KCNQ3: variants seen among roughly 807,000 people sequenced by gnomAD.
KCNQ3 encodes potassium voltage-gated channel subfamily Q member 3.
In KCNQ3, 30 loss-of-function variants were observed where a neutral mutation model predicts 92.5. That is an observed-to-expected ratio of 0.32 (90% CI 0.24 to 0.44). KCNQ3 has a LOEUF of 0.44. KCNQ3 is among the 20% of genes least tolerant of loss of function. The probability of loss-of-function intolerance (pLI) is 1.00; values close to 1 mark genes in which losing one functional copy is unlikely to be tolerated. For synonymous variants in KCNQ3, 450 were observed against 468.8 expected (o/e 0.96, Z 0.52); for missense variants, 913 against 1,140.3 (o/e 0.80, Z 2.87).
At chr8:132,240,301 C>T (rs796433229) in intron 1 of KCNQ3, among the ~76,000 whole-genome samples, 52 of 152,062 alleles carry the variant, frequency 3.4e-4, no homozygotes, top group African/African-American at 1.2e-3. Flanking sequence ...CATCTCCTGC[C>T]TCAGCCTCCC....
chr8:132,397,099 T>C (rs1286019852), intron 1 of KCNQ3, among the ~76,000 whole-genome samples: 2 of 152,138 alleles, frequency 1.3e-5, no homozygotes, highest in African/African-American at 4.8e-5. Flanking sequence ...CACCCATTGC[T>C]TAAGACACAC....
At chr8:132,347,604 T>C (rs16904668) in intron 1 of KCNQ3, among the ~76,000 whole-genome samples, 37,501 of 152,114 alleles carry the variant, frequency 0.25, 5,246 homozygotes, top group African/African-American at 0.38. Context: ...ACTTACATAA[T>C]TCATCAAAGA....
chr8:132,365,316 C>A (rs371726626), intron 1 of KCNQ3, among the ~76,000 whole-genome samples: 1 of 152,206 alleles, frequency 6.6e-6, no homozygotes, highest in Non-Finnish European at 1.5e-5. Flanking sequence ...GTGTGAGAGG[C>A]GTGTTAGACG....
At position 132,350,696 on chromosome 8, in the gene KCNQ3, T is replaced by C. The variant is rs560549921; in HGVS notation, c.386+129451A>G. Among the ~76,000 whole-genome samples, 4 of 152,290 alleles carry C rather than the reference T, an allele frequency of 2.6e-5. No homozygotes were observed. In the South Asian group the frequency reaches 8.3e-4, roughly 32 times the overall value. On this transcript the variant is annotated intron_variant, in intron 1 of 14. Coordinates refer to ENST00000388996, the MANE Select transcript of KCNQ3 (RefSeq NM_004519.4). The stretch of plus-strand genomic sequence containing the variant: ...TTCCTGACAAACAGTCTAGGGCATC[T>C]AGGGTGGTCAGTCAGCATTCCTCAC...
At chr8:132,250,733 C>T (rs1014859282) in intron 1 of KCNQ3, among the ~76,000 whole-genome samples, 1 of 152,076 alleles carries the variant, frequency 6.6e-6, no homozygotes, top group Non-Finnish European at 1.5e-5. Context: ...TGCATGGGCT[C>T]CTCCCCCAGC....
At chr8:132,380,537 G>C (rs1182883233) in intron 1 of KCNQ3, among the ~76,000 whole-genome samples, 5 of 152,020 alleles carry the variant, frequency 3.3e-5, no homozygotes, top group Non-Finnish European at 5.9e-5. Flanking sequence ...TCCAGAAAGG[G>C]TGGGGCTGTT....
At chr8:132,234,216 C>A (rs1335779229) in intron 1 of KCNQ3, among the ~76,000 whole-genome samples, 1 of 152,084 alleles carries the variant, frequency 6.6e-6, no homozygotes, top group African/African-American at 2.4e-5. Flanking sequence ...TTTGCACAGC[C>A]CCTTGTGTTT....
At chr8:132,194,943 T>A (rs62519627) in intron 1 of KCNQ3, among the ~76,000 whole-genome samples, 5,591 of 152,320 alleles carry the variant, frequency 0.037, 168 homozygotes, top group Non-Finnish European at 0.055. Flanking sequence ...TTCTACTTTA[T>A]CTCTGGTAAA....
intron 1 of KCNQ3, among the ~76,000 whole-genome samples, chr8:132,400,142 C>T (rs143497838): frequency 6.6e-6 from 1 of 152,198 alleles, no homozygotes; most frequent in African/African-American, 2.4e-5. Context: ...CAGACAAACA[C>T]GTATGTACTA....
chr8:132,439,284 C>T (rs1030192213), intron 1 of KCNQ3, among the ~76,000 whole-genome samples: 4 of 151,894 alleles, frequency 2.6e-5, no homozygotes, highest in Non-Finnish European at 5.9e-5. Flanking sequence ...AAGTCTACTG[C>T]ACAATTATAA....
intron 1 of KCNQ3, among the ~76,000 whole-genome samples, chr8:132,369,398 G>A (rs1174021716): frequency 6.6e-6 from 1 of 152,094 alleles, no homozygotes. Context: ...CTTCTGCACT[G>A]GAGATTTGTC....
intron 1 of KCNQ3, among the ~76,000 whole-genome samples, chr8:132,284,483 T>C (rs1816621684): frequency 9.8e-6 from 1 of 102,514 alleles, no homozygotes; most frequent in African/African-American, 2.9e-5. Flanking sequence ...TGTGAAACTC[T>C]ATAGATTTTT....
In KCNQ3 at chr8:132,123,541, A is replaced by T. The variant is rs1174562651; in HGVS notation, c.*5721T>A. 6.6e-6 allele frequency: 1 copy of T among 152,150 alleles called. No individual in the cohort carries two copies. The highest frequency in any genetic ancestry group is 1.5e-5 in the Non-Finnish European group (1 of 68,024). The allele number at this position is 152,150 out of a possible 1,614,324, so 9.4% of individuals were successfully genotyped here. A position where few individuals can be genotyped will look rare whatever the true frequency, so the allele number is the denominator to read the frequency against. ...CAAGTGGGCCAGGAAGTTCTTTTTC[A>T]TGTTCTGGGCTCAATCGTGATGCTT... On this transcript the variant is annotated 3_prime_UTR_variant, in exon 15 of 15. Transcript: ENST00000388996.
chr8:132,221,485 C>T (rs1814236155), intron 1 of KCNQ3, among the ~76,000 whole-genome samples: 1 of 152,136 alleles, frequency 6.6e-6, no homozygotes, highest in African/African-American at 2.4e-5. Context: ...CTGTTGTTTC[C>T]TGACTTTTTA....
intron 1 of KCNQ3, among the ~76,000 whole-genome samples, chr8:132,377,833 A>C (rs1384952246): frequency 1.3e-5 from 2 of 152,172 alleles, no homozygotes; most frequent in Admixed American, 1.3e-4. Context: ...CTTTCTTAGA[A>C]GATTATGTCA....
chr8:132,384,953 T>C (rs1242125893), intron 1 of KCNQ3, among the ~76,000 whole-genome samples: 1 of 152,234 alleles, frequency 6.6e-6, no homozygotes, highest in Non-Finnish European at 1.5e-5. Flanking sequence ...CAGTAGATGC[T>C]GTGCTGCCAA....
At chr8:132,420,281 T>C (rs1030234809) in intron 1 of KCNQ3, among the ~76,000 whole-genome samples, 2 of 152,056 alleles carry the variant, frequency 1.3e-5, no homozygotes, top group African/African-American at 4.8e-5. Flanking sequence ...CTTCAACATA[T>C]GAATTTTGGA....
intron 1 of KCNQ3, among the ~76,000 whole-genome samples, chr8:132,207,953 C>T (rs983970546): frequency 7.4e-5 from 11 of 149,502 alleles, no homozygotes; most frequent in Admixed American, 2.0e-4. Flanking sequence ...GAACGTGCAT[C>T]ACACCAGCAT....
chr8:132,294,004 T>TTTG (rs1816942305), intron 1 of KCNQ3, among the ~76,000 whole-genome samples: 1 of 145,642 alleles, frequency 6.9e-6, no homozygotes, highest in Admixed American at 6.8e-5. Context: ...TGTGTGGTTT[T>TTTG]TTTTTTTTTT....
Sources: allele counts gnomAD v4.1 joint callset (sites outside exome capture counted in the v4.1 genomes callset), GRCh38; gene constraint gnomAD v4.1.1; transcripts MANE v1.5; gene names NCBI Gene and HGNC (gene_info 2026-07-23, HGNC 2026-07-21).